MAP3K2: variants seen among roughly 807,000 people sequenced by gnomAD.
The protein encoded by MAP3K2 is mitogen-activated protein kinase kinase kinase 2.
Under a neutral mutation model 80.3 loss-of-function variants are expected in MAP3K2, and 24 were observed. The observed-to-expected ratio is 0.30, with a 90% CI of 0.22 to 0.42. MAP3K2 has a LOEUF of 0.42. Ranked by LOEUF, MAP3K2 falls within the 10% of genes least tolerant of loss-of-function variation. MAP3K2 has a pLI of 1.00. For synonymous variants in MAP3K2, 244 were observed against 253.7 expected (o/e 0.96, Z 0.36); for missense variants, 608 against 750.1 (o/e 0.81, Z 2.21).
intron 15 of MAP3K2, among the ~76,000 whole-genome samples, chr2:127,312,192 A>G (rs778465229): frequency 5.9e-5 from 9 of 152,252 alleles, no homozygotes; most frequent in Non-Finnish European, 1.3e-4. Flanking sequence ...CTTGTTAGCC[A>G]AAATACTTCT....
chr2:127,359,291 A>G (rs922097437), intron 1 of MAP3K2, among the ~76,000 whole-genome samples: 2 of 152,202 alleles, frequency 1.3e-5, no homozygotes, highest in African/African-American at 4.8e-5. Context: ...GGAAACCAGG[A>G]GGGGAGTTAA....
At chr2:127,334,427 C>G (rs142821292) in intron 5 of MAP3K2, among the ~76,000 whole-genome samples, 1 of 152,134 alleles carries the variant, frequency 6.6e-6, no homozygotes, top group East Asian at 1.9e-4. Context: ...AAGTTCAAGA[C>G]ATTTTTTAAA....
intron 1 of MAP3K2, among the ~76,000 whole-genome samples, chr2:127,354,800 G>A (rs1167032077): frequency 1.3e-5 from 2 of 151,910 alleles, no homozygotes; most frequent in Admixed American, 1.3e-4. Flanking sequence ...TGACACAAAT[G>A]ATAGAATTAG....
rs1280710383 is a variant in MAP3K2, at chr2:127,310,162, G to A, written c.1457-1400C>T. Among the ~76,000 whole-genome samples the A allele has an allele frequency of 6.6e-6, 1 of 152,308 alleles. No homozygotes were observed. The highest frequency in any genetic ancestry group is 2.4e-5 in the African/African-American group (1 of 41,562). ...CTATTTATCAGTTTCAGCCACTGGA[G>A]TTCTTTCCACTGACTCTGTGTCCCT... On this transcript the variant is annotated intron_variant, in intron 15 of 16. Transcript: ENST00000682094. This position sits in a 1 kb window ranked among gnomAD's most constrained non-coding sequence, Gnocchi z 4.8.
chr2:127,348,865 T>C (rs996780379), intron 1 of MAP3K2, among the ~76,000 whole-genome samples: 8 of 152,258 alleles, frequency 5.3e-5, no homozygotes, highest in South Asian at 2.1e-4. Flanking sequence ...CTCCAGTCAA[T>C]AGCTGCTACA....
chr2:127,366,451 G>T (rs537773650), intron 1 of MAP3K2, among the ~76,000 whole-genome samples: 1 of 150,986 alleles, frequency 6.6e-6, no homozygotes, highest in Non-Finnish European at 1.5e-5. Context: ...GTATGCTTTA[G>T]TTAGAAATGT....
chr2:127,307,960 CTAATT>C lies in MAP3K2; in HGVS notation c.1635-161_1635-157del, dbSNP rs1331242359. ...ATTAAAAAGTTCTAATTTCGTAAAA[CTAATT>C]TAAACATAAAAATCAATTAAAATAA... On this transcript the variant is annotated intron_variant, in intron 16 of 16. Coordinates refer to ENST00000682094, the MANE Select transcript of MAP3K2 (RefSeq NM_001371910.2). The surrounding 1 kb of genome is among the most constrained non-coding windows in gnomAD (Gnocchi z 5.4). Among the ~76,000 whole-genome samples the C allele has an allele frequency of 6.6e-6, 1 of 152,116 alleles. No individual in the cohort carries two copies. The highest frequency in any genetic ancestry group is 1.9e-4 in the East Asian group (1 of 5,200).
chr2:127,299,954 T>A lies in MAP3K2; in HGVS notation c.*7625A>T, dbSNP rs1380619634. 8.5e-6 allele frequency: 1 copy of A among 117,286 alleles called. No individual in the cohort carries two copies. Among genetic ancestry groups the A allele is most frequent in the Non-Finnish European group, 1.7e-5 (1 of 57,884 alleles). The allele number at this position is 117,286 out of a possible 1,614,324, so 7.3% of individuals were successfully genotyped here. A position where few individuals can be genotyped will look rare whatever the true frequency, so the allele number is the denominator to read the frequency against. ...ATGTGCCTACAGACAGAAAAAAACA[T>A]CTCCACACAAACATACATCCCCTGA... On this transcript the variant is annotated 3_prime_UTR_variant, in exon 17 of 17. Transcript: ENST00000682094.
intron 1 of MAP3K2, among the ~76,000 whole-genome samples, chr2:127,351,202 T>A (rs185791938): frequency 6.6e-6 from 1 of 152,118 alleles, no homozygotes; most frequent in Non-Finnish European, 1.5e-5. Flanking sequence ...CTGGCAAAAC[T>A]TGAATGGGTT....
chr2:127,361,641 T>C (rs1485462909), intron 1 of MAP3K2, among the ~76,000 whole-genome samples: 2 of 152,360 alleles, frequency 1.3e-5, no homozygotes, highest in South Asian at 2.1e-4. Flanking sequence ...ATGTATTTGC[T>C]TCCTTTCTCT....
intron 1 of MAP3K2, among the ~76,000 whole-genome samples, chr2:127,353,816 G>GA (rs1686747718): frequency 6.6e-6 from 1 of 152,102 alleles, no homozygotes. Context: ...GAAAGGTGGG[G>GA]AAAAGATTGA....
intron 1 of MAP3K2, among the ~76,000 whole-genome samples, chr2:127,344,337 T>C (rs1485691475): frequency 1.3e-5 from 2 of 152,036 alleles, no homozygotes; most frequent in African/African-American, 4.8e-5. Context: ...AGAAACTTTG[T>C]TTCAGACACA....
rs969483093 is a variant in MAP3K2, at chr2:127,310,267, G to A, written c.1457-1505C>T. On this transcript the variant is annotated intron_variant, in intron 15 of 16. Transcript: ENST00000682094. This position sits in a 1 kb window ranked among gnomAD's most constrained non-coding sequence, Gnocchi z 4.8. ...TTTCTGGCATTTGAAGATGCTCCAG[G>A]CTCATCTTGTATATTTCCTGCACCA... is the stretch of plus-strand genomic sequence containing the variant. Among the ~76,000 whole-genome samples, 18 of 151,918 alleles carry A rather than the reference G, an allele frequency of 1.2e-4. No individual in the cohort carries two copies. The highest frequency in any genetic ancestry group is 1.0e-4 in the Non-Finnish European group (7 of 67,988).
intron 1 of MAP3K2, among the ~76,000 whole-genome samples, chr2:127,355,521 C>T (rs1470493937): frequency 6.6e-6 from 1 of 152,092 alleles, no homozygotes; most frequent in Non-Finnish European, 1.5e-5. Flanking sequence ...AAACAATGTA[C>T]ATGCCTTAAT....
intron 1 of MAP3K2, among the ~76,000 whole-genome samples, chr2:127,368,584 T>C (rs1195750985): frequency 6.6e-6 from 1 of 152,106 alleles, no homozygotes; most frequent in Non-Finnish European, 1.5e-5. Context: ...ATCGTGCCAC[T>C]GCACTCCAGC....
chr2:127,361,331 A>AAAAAAAAAAG (rs1252315962), intron 1 of MAP3K2, among the ~76,000 whole-genome samples: 4 of 149,914 alleles, frequency 2.7e-5, no homozygotes, highest in Non-Finnish European at 4.5e-5. Context: ...AAAAAAAAAA[A>AAAAAAAAAAG]AAATTAAAAG....
intron 15 of MAP3K2, among the ~76,000 whole-genome samples, chr2:127,309,311 G>T (rs923017818): frequency 6.6e-6 from 1 of 151,920 alleles, no homozygotes; most frequent in African/African-American, 2.4e-5. Flanking sequence ...TATTTTAAAT[G>T]TCTCATAGGC....
chr2:127,351,221 T>C (rs1429046770), intron 1 of MAP3K2, among the ~76,000 whole-genome samples: 2 of 152,144 alleles, frequency 1.3e-5, no homozygotes, highest in African/African-American at 4.8e-5. Context: ...TTCTGTGGAT[T>C]AGATGATATA....
chr2:127,388,331 G>T, upstream of MAP3K2: 2 of 985,518 alleles, frequency 2.0e-6, no homozygotes, highest in Non-Finnish European at 2.4e-6. Flanking sequence ...GTGGGCTGTG[G>T]ACAGGGCCCA....
Sources: allele counts gnomAD v4.1 joint callset (sites outside exome capture counted in the v4.1 genomes callset), GRCh38; gene constraint gnomAD v4.1.1; non-coding constraint Gnocchi (gnomAD v3.1); transcripts MANE v1.5; gene names NCBI Gene and HGNC (gene_info 2026-07-23, HGNC 2026-07-21).